The following CAMTA1 variants were observed in gnomAD, a reference collection of about 807,000 sequenced individuals.
CAMTA1 encodes the protein calmodulin binding transcription activator 1, also known as calmodulin-binding transcription activator 1.
In CAMTA1, 27 loss-of-function variants were observed where a neutral mutation model predicts 170.9. The ratio of observed to expected loss-of-function variants is 0.16; its 90% CI spans 0.12 to 0.22. The LOEUF is 0.22. Among genes scored for constraint, CAMTA1 ranks in the 10% least tolerant of loss-of-function variants. CAMTA1 has a pLI of 1.00. For missense variants in CAMTA1, 1,619 were observed against 2,217.2 expected (o/e 0.73, Z 5.42); for synonymous variants, 833 against 891.5 (o/e 0.93, Z 1.17).
In CAMTA1 at chr1:7,102,023, A is replaced by AACACACAC. The variant is rs57209159; in HGVS notation, c.302+10692_302+10699dup. On this transcript the variant is annotated intron_variant, in intron 4 of 22. Transcript: ENST00000303635. ...CATGTACACACATGCATAAATACACAACACACACACACACACACACACACA... is the reference window on the plus strand; with the variant it reads ...CATGTACACACATGCATAAATACACAACACACACACACACACACACACACACACACACA... 3.2e-3 allele frequency among the ~76,000 whole-genome samples: 483 copies of AACACACAC among 148,796 alleles called. 3 individuals are homozygous for AACACACAC. The highest frequency in any genetic ancestry group is 5.4e-3 in the Non-Finnish European group (366 of 67,266).
At position 7,426,502 on chromosome 1, in the gene CAMTA1, C is replaced by T. The variant is rs961126680; in HGVS notation, c.439-41328C>T. ...GATTGATACTACTTGTTAGATCAAG[C>T]GGAGGGCCCTGGCCAGGGCTGAGCA... On this transcript the variant is annotated intron_variant, in intron 5 of 22. Transcript: ENST00000303635. The surrounding 1 kb of genome is among the most constrained non-coding windows in gnomAD (Gnocchi z 4.8). 2.6e-5 allele frequency among the ~76,000 whole-genome samples: 4 copies of T among 152,178 alleles called. No individual in the cohort carries two copies. Among genetic ancestry groups the T allele is most frequent in the African/African-American group, 9.6e-5 (4 of 41,454 alleles).
At chr1:7,313,069 C>T (rs1295820585) in intron 5 of CAMTA1, among the ~76,000 whole-genome samples, 1 of 152,058 alleles carries the variant, frequency 6.6e-6, no homozygotes, top group Non-Finnish European at 1.5e-5. Flanking sequence ...GTGGATCCCA[C>T]TCTCCCACCC....
chr1:7,175,964 A>C (rs2148854550), intron 4 of CAMTA1, among the ~76,000 whole-genome samples: 1 of 152,234 alleles, frequency 6.6e-6, no homozygotes, highest in Middle Eastern at 3.4e-3. Flanking sequence ...GATCATCTCT[A>C]AGCAAACTCT....
At chr1:7,728,438 G>A (rs989628447) in intron 11 of CAMTA1, among the ~76,000 whole-genome samples, 4 of 152,196 alleles carry the variant, frequency 2.6e-5, no homozygotes, top group East Asian at 1.9e-4. Flanking sequence ...GTCTGCCACC[G>A]GATGTTGATC....
At chr1:7,724,710 C>T (rs2096671913) in intron 11 of CAMTA1, among the ~76,000 whole-genome samples, 1 of 151,380 alleles carries the variant, frequency 6.6e-6, no homozygotes, top group African/African-American at 2.4e-5. Context: ...GTAGTCCCAG[C>T]TACTCGGGAG....
intron 3 of CAMTA1, among the ~76,000 whole-genome samples, chr1:7,081,717 C>T (rs771665078): frequency 5.3e-5 from 8 of 152,210 alleles, no homozygotes; most frequent in South Asian, 4.1e-4. Flanking sequence ...CTCTCAGGCC[C>T]ATCCAAATGG....
rs772830048 is a variant in CAMTA1, at chr1:7,663,305, CAT to C, written c.806-47_806-46del. 58 of 1,513,170 alleles carry C rather than the reference CAT, an allele frequency of 3.8e-5. 2 individuals are homozygous for C. Among genetic ancestry groups the C allele is most frequent in the East Asian group, 9.1e-5 (4 of 43,806 alleles). 93.7% of individuals were successfully genotyped at this position (1,513,170 alleles called of 1,614,324 possible). A position where few individuals can be genotyped will look rare whatever the true frequency, so the allele number is the denominator to read the frequency against. ...TTTTGTGTGTGCATGTGTGTGTGCACATGTGTGCCTGCGTGTGCGTGCGCGTG... is the reference window on the plus strand; with the variant it reads ...TTTTGTGTGTGCATGTGTGTGTGCACGTGTGCCTGCGTGTGCGTGCGCGTG... On this transcript the variant is annotated intron_variant, in intron 8 of 22. Coordinates refer to ENST00000303635, the MANE Select transcript of CAMTA1 (RefSeq NM_015215.4).
In CAMTA1 at chr1:7,172,158, CT is replaced by C. The variant is rs780671382; in HGVS notation, c.303-77322del. Among the ~76,000 whole-genome samples, 1,075 of 147,190 alleles carry C rather than the reference CT, an allele frequency of 7.3e-3. 5 individuals are homozygous for C. Among genetic ancestry groups the C allele is most frequent in the Non-Finnish European group, 0.012 (789 of 66,412 alleles). On this transcript the variant is annotated intron_variant, in intron 4 of 22. Coordinates refer to ENST00000303635, the MANE Select transcript of CAMTA1 (RefSeq NM_015215.4). Reference sequence around the variant, plus strand: ...GTGGAGATCTTGTCCTGTGACTTCTCTTTTTTTTTTTGAGATGGAGTCTCGC... The same window carrying C: ...GTGGAGATCTTGTCCTGTGACTTCTCTTTTTTTTTTGAGATGGAGTCTCGC...
chr1:7,594,493 G>A (rs2095383189), intron 6 of CAMTA1, among the ~76,000 whole-genome samples: 1 of 152,208 alleles, frequency 6.6e-6, no homozygotes, highest in South Asian at 2.1e-4. Context: ...TTTCAAGCAG[G>A]GCAGTGACAT....
intron 4 of CAMTA1, among the ~76,000 whole-genome samples, chr1:7,148,427 C>T (rs1239309563): frequency 1.0e-4 from 2 of 19,634 alleles, no homozygotes; most frequent in Non-Finnish European, 1.1e-4. Flanking sequence ...CCACCCCCTC[C>T]CCCCCCGCCA....
At chr1:7,548,073 A>G (rs1197877375) in intron 6 of CAMTA1, among the ~76,000 whole-genome samples, 1 of 152,228 alleles carries the variant, frequency 6.6e-6, no homozygotes, top group Non-Finnish European at 1.5e-5. Context: ...TATATTGATC[A>G]GGTGACCATA....
intron 4 of CAMTA1, among the ~76,000 whole-genome samples, chr1:7,186,908 G>T (rs1393712861): frequency 6.6e-6 from 1 of 152,074 alleles, no homozygotes; most frequent in African/African-American, 2.4e-5. Flanking sequence ...CGGCGGGGGC[G>T]TGAAAATCAG....
At chr1:7,318,526 T>C (rs545860926) in intron 5 of CAMTA1, among the ~76,000 whole-genome samples, 2 of 152,344 alleles carry the variant, frequency 1.3e-5, no homozygotes, top group South Asian at 4.1e-4. Context: ...TTCTGATTTT[T>C]CGCCTCCATC....
chr1:7,485,157 C>T (rs1447708811), intron 6 of CAMTA1, among the ~76,000 whole-genome samples: 1 of 152,210 alleles, frequency 6.6e-6, no homozygotes, highest in Non-Finnish European at 1.5e-5. Flanking sequence ...AGTCCCCCAC[C>T]CTTTCCTGGC....
Position 7,663,397 on chromosome 1 carries a change from C to T in CAMTA1, c.850C>T (p.Arg284Cys), listed in dbSNP as rs1242524547. The change falls in exon 9 of 23, where the codon CGC becomes TGC. Residue 284 changes from arginine (R) to cysteine (C), a missense_variant. Around this residue, in one of 8 missense-constraint regions of CAMTA1, gnomAD observed 731 missense variants for 907.6 expected, o/e 0.81. Transcript: ENST00000303635. ...VHHKCNSAKH[R>C]IISPKVEPRT... Reference sequence around the variant, plus strand: ...TCACAAGTGTAACAGCGCCAAACACCGCATCATCTCGCCCAAGGTGGAGCC... The same window carrying T: ...TCACAAGTGTAACAGCGCCAAACACTGCATCATCTCGCCCAAGGTGGAGCC... The T allele has an allele frequency of 2.6e-6, 4 of 1,542,500 alleles. No individual in the cohort carries two copies. Among genetic ancestry groups the T allele is most frequent in the Non-Finnish European group, 3.5e-6 (4 of 1,141,194 alleles).
rs1432210358 is a variant in CAMTA1 at position 7,663,967 on chromosome 1, C to T, written c.1420C>T (p.Arg474Trp). The change falls in exon 9 of 23, where the codon CGG (arginine) becomes TGG (tryptophan). Residue 474 changes from arginine to tryptophan, a missense_variant. Arg to Trp is a moderately radical substitution (Grantham distance 101). Transcript: ENST00000303635. ...CCTCTCCACCACCCTCGACGGTGGC[C>T]GGAAGATTCCAGAAACCACCATGAA... is the stretch of plus-strand genomic sequence containing the variant. ...LVLSTTLDGG[R>W]KIPETTMNFD... The T allele has an allele frequency of 2.5e-6, 4 of 1,613,712 alleles. No homozygotes were observed. Among genetic ancestry groups the T allele is most frequent in the African/African-American group, 2.7e-5 (2 of 74,926 alleles).
intron 5 of CAMTA1, among the ~76,000 whole-genome samples, chr1:7,414,518 T>C (rs2091019208): frequency 6.6e-6 from 1 of 151,952 alleles, no homozygotes; most frequent in African/African-American, 2.4e-5. Flanking sequence ...TTTATCCATT[T>C]CTTCTAGATT....
intron 3 of CAMTA1, among the ~76,000 whole-genome samples, chr1:6,845,894 G>A (rs1344784488): frequency 6.6e-6 from 1 of 152,200 alleles, no homozygotes; most frequent in Non-Finnish European, 1.5e-5. Flanking sequence ...AAAGGAAAGA[G>A]GTTTAATGGA....
At chr1:7,170,755 C>T (rs2148822663) in intron 4 of CAMTA1, among the ~76,000 whole-genome samples, 1 of 152,226 alleles carries the variant, frequency 6.6e-6, no homozygotes, top group African/African-American at 2.4e-5. Context: ...AAACATATTT[C>T]TTAATTTCCA....
Sources: gnomAD v4.1 joint callset for allele counts (sites outside exome capture counted in the v4.1 genomes callset) on GRCh38, gnomAD v4.1.1 for gene constraint, gnomAD v4.1.1 regional missense constraint, Gnocchi (gnomAD v3.1) non-coding constraint, MANE v1.5 for transcripts, NCBI Gene and HGNC (gene_info 2026-07-23, HGNC 2026-07-21) for gene names.